SLC44A5: variants seen among roughly 807,000 people sequenced by gnomAD.
The protein encoded by SLC44A5 is choline transporter-like protein 5.
Under a neutral mutation model 101.8 loss-of-function variants are expected in SLC44A5, and 57 were observed. That is an observed-to-expected ratio of 0.56 (90% confidence interval 0.45 to 0.70). The LOEUF (loss-of-function observed/expected upper bound fraction) is 0.70. Among genes scored for constraint, SLC44A5 ranks in the 30% least tolerant of loss-of-function variants. SLC44A5 has a pLI of 0.00. For synonymous variants in SLC44A5, 281 were observed against 290.9 expected (o/e 0.97, Z 0.35); for missense variants, 737 against 853.1 (o/e 0.86, Z 1.70).
the SLC44A5 span, among the ~76,000 whole-genome samples, chr1:75,628,783 C>G: frequency 6.6e-6 from 1 of 152,102 alleles, no homozygotes; most frequent in African/African-American, 2.4e-5. Flanking sequence ...ATGTCATCCT[C>G]CAAACAAGCA....
rs114289062 is a variant in SLC44A5, at chr1:75,599,023, C to T, written c.-70+12017G>A. 2.3e-3 allele frequency among the ~76,000 whole-genome samples: 351 copies of T among 151,980 alleles called. 3 individuals are homozygous for T. Among genetic ancestry groups the T allele is most frequent in the African/African-American group, 8.1e-3 (335 of 41,446 alleles). On this transcript the variant is annotated intron_variant, in intron 1 of 23. Coordinates refer to ENST00000370859, the MANE Select transcript of SLC44A5 (RefSeq NM_001130058.2). ...AACTCAGTTAATTATGCCAGTTATG[C>T]TAAATTAATGCAATTGAATATTACC...
chr1:75,292,269 T>C (rs1653618627), intron 5 of SLC44A5, among the ~76,000 whole-genome samples: 1 of 152,136 alleles, frequency 6.6e-6, no homozygotes, highest in South Asian at 2.1e-4. Context: ...TGTGCTTCTA[T>C]AATTAGCCAC....
intron 3 of SLC44A5, among the ~76,000 whole-genome samples, chr1:75,358,111 C>T (rs1221710403): frequency 6.6e-6 from 1 of 151,950 alleles, no homozygotes; most frequent in Non-Finnish European, 1.5e-5. Context: ...CTGCCAGAAA[C>T]CGTATCTGAT....
intron 1 of SLC44A5, among the ~76,000 whole-genome samples, chr1:75,557,224 A>G (rs897520996): frequency 1.3e-5 from 2 of 152,180 alleles, no homozygotes; most frequent in African/African-American, 4.8e-5. Flanking sequence ...AAAGTTCTCC[A>G]TAAATTCTCC....
chr1:75,535,376 G>C (rs189084548), intron 2 of SLC44A5, among the ~76,000 whole-genome samples: 19 of 152,260 alleles, frequency 1.2e-4, no homozygotes, highest in Non-Finnish European at 2.5e-4. Flanking sequence ...ATCCGCAGCT[G>C]AAGTTCAGGG....
chr1:75,465,375 C>G (rs796821700), intron 2 of SLC44A5, among the ~76,000 whole-genome samples: 16 of 152,110 alleles, frequency 1.1e-4, no homozygotes, highest in African/African-American at 3.9e-4. Context: ...ATGGAAACAA[C>G]ATGCCAAAAC....
chr1:75,336,783 T>C (rs1021078246), intron 4 of SLC44A5, among the ~76,000 whole-genome samples: 11 of 151,930 alleles, frequency 7.2e-5, no homozygotes, highest in African/African-American at 2.7e-4. Context: ...CACAGCATAC[T>C]TGGATCCACA....
chr1:75,219,413 C>T, intron 15 of SLC44A5, 69 bp from the exon 16 acceptor site: 1 of 1,009,336 alleles, frequency 9.9e-7, no homozygotes, highest in Non-Finnish European at 1.6e-6. Context: ...GAAAACAATA[C>T]TGACAACTCA....
chr1:75,242,161 TCTC>T, intron 8 of SLC44A5, 100 bp from the exon 9 acceptor site: 1 of 765,760 alleles, frequency 1.3e-6, no homozygotes, highest in Non-Finnish European at 2.1e-6. Flanking sequence ...TCCATAATAA[TCTC>T]CTTATTTCAA....
At chr1:75,674,320 A>G in the SLC44A5 span, among the ~76,000 whole-genome samples, 1 of 152,238 alleles carries the variant, frequency 6.6e-6, no homozygotes, top group East Asian at 1.9e-4. Flanking sequence ...AAGCAAAAAA[A>G]AAGAATTAGT....
the SLC44A5 span, among the ~76,000 whole-genome samples, chr1:75,703,411 GA>G: frequency 0.3 from 44,506 of 148,970 alleles, 6,743 homozygotes; most frequent in Admixed American, 0.34. Context: ...ATCACAAGGA[GA>G]AAAAAACCAA....
intron 3 of SLC44A5, among the ~76,000 whole-genome samples, chr1:75,348,162 TTCTC>T (rs147599378): frequency 1.0e-4 from 15 of 149,578 alleles, no homozygotes; most frequent in South Asian, 2.1e-4. Context: ...CTCTCTCTCT[TTCTC>T]TCTCTCTCTC....
chr1:75,616,116 T>G, the SLC44A5 span, among the ~76,000 whole-genome samples: 35 of 151,926 alleles, frequency 2.3e-4, no homozygotes, highest in Admixed American at 1.7e-3. Context: ...CCTCTTGCGC[T>G]GCTGTGGACG....
intron 2 of SLC44A5, among the ~76,000 whole-genome samples, chr1:75,524,911 T>C: frequency 6.6e-6 from 1 of 152,132 alleles, no homozygotes; most frequent in East Asian, 1.9e-4. Flanking sequence ...AGCTGATGAT[T>C]TTGGTTTTTC....
intron 3 of SLC44A5, among the ~76,000 whole-genome samples, chr1:75,391,849 TAAC>T (rs1661810557): frequency 6.6e-6 from 1 of 152,090 alleles, no homozygotes; most frequent in African/African-American, 2.4e-5. Flanking sequence ...AAAGCAATTT[TAAC>T]AACAACGACA....
In SLC44A5 at chr1:75,353,296, T is replaced by C. The variant is rs1314570646; in HGVS notation, c.53-13666A>G. 9.6e-4 allele frequency among the ~76,000 whole-genome samples: 147 copies of C among 152,376 alleles called. 2 individuals carry two copies. The highest frequency in any genetic ancestry group is 1.2e-4 in the Non-Finnish European group (8 of 68,042). On this transcript the variant is annotated intron_variant, in intron 3 of 23. Coordinates refer to ENST00000370859, the MANE Select transcript of SLC44A5 (RefSeq NM_001130058.2). ...AGCCAACTGAGCATCTGCTATCATT[T>C]TGATTACAGCTGGAAATCTGTGTAA...
In SLC44A5 at chr1:75,494,319, C is replaced by A. The variant is rs370776187; in HGVS notation, c.13+47116G>T. On this transcript the variant is annotated intron_variant, in intron 2 of 23. Coordinates refer to ENST00000370859, the MANE Select transcript of SLC44A5 (RefSeq NM_001130058.2). ...CAACACACAATTGACTGAGACATTA[C>A]CCCCGGCCTCCTCCAATGATAAAAT... is the stretch of plus-strand genomic sequence containing the variant. 9.9e-5 allele frequency among the ~76,000 whole-genome samples: 15 copies of A among 152,254 alleles called. No homozygotes were observed. In the East Asian group the frequency reaches 2.3e-3, roughly 24 times the overall value.
intron 12 of SLC44A5, among the ~76,000 whole-genome samples, chr1:75,231,426 T>A (rs908639223): frequency 1.3e-5 from 2 of 152,216 alleles, no homozygotes; most frequent in Non-Finnish European, 2.9e-5. Flanking sequence ...AGAAGGCCCT[T>A]CAGACAGTTT....
chr1:75,274,934 C>T, intron 6 of SLC44A5, 24 bp downstream of exon 6: 1 of 1,590,612 alleles, frequency 6.3e-7, no homozygotes, highest in Non-Finnish European at 8.6e-7. Context: ...TAAAATCACA[C>T]AAAGCAAAGG....
Sources: allele counts gnomAD v4.1 joint callset (sites outside exome capture counted in the v4.1 genomes callset), GRCh38; gene constraint gnomAD v4.1.1; transcripts MANE v1.5; gene names NCBI Gene and HGNC (gene_info 2026-07-23, HGNC 2026-07-21).